The following PRELID2 variants were observed in gnomAD, a reference collection of about 807,000 sequenced individuals.
The protein encoded by PRELID2 is PRELI domain containing 2, also known as PRELI domain-containing protein 2.
Under a neutral mutation model 28.4 loss-of-function variants are expected in PRELID2, and 25 were observed. The ratio of observed to expected loss-of-function variants is 0.88; its 90% CI spans 0.64 to 1.23. The LOEUF is 1.23. Ranked by LOEUF, PRELID2 falls within the 50% of genes most tolerant of loss-of-function variation. The probability of loss-of-function intolerance (pLI) is 0.00; values close to 1 mark genes in which losing one functional copy is unlikely to be tolerated. For missense variants in PRELID2, 201 were observed against 214.4 expected, an observed-to-expected ratio of 0.94 and a Z score of 0.39; for synonymous variants, 76 against 71.6, an observed-to-expected ratio of 1.06 and a Z score of -0.31.
At chr5:145,820,185 T>C (rs939767079) in intron 2 of PRELID2, among the ~76,000 whole-genome samples, 167 bp from the exon 3 acceptor site, 2 of 151,462 alleles carry the variant, frequency 1.3e-5, no homozygotes, top group Non-Finnish European at 2.9e-5. Flanking sequence ...CACTGCAACT[T>C]CTACCTCCTG....
chr5:145,248,590 C>T, the PRELID2 span, among the ~76,000 whole-genome samples: 5 of 128,948 alleles, frequency 3.9e-5, no homozygotes, highest in African/African-American at 2.0e-4. Flanking sequence ...GTCAAGAGAT[C>T]GATCGAGAAC....
At chr5:145,368,841 A>G in the PRELID2 span, among the ~76,000 whole-genome samples, 1 of 151,300 alleles carries the variant, frequency 6.6e-6, no homozygotes, top group East Asian at 1.9e-4. Context: ...ATTCAGGGGT[A>G]CATGTGCAGG....
At chr5:145,477,947 G>T (rs1220530781) in intron 1 of PRELID2, among the ~76,000 whole-genome samples, 4 of 152,146 alleles carry the variant, frequency 2.6e-5, no homozygotes, top group Non-Finnish European at 5.9e-5. Context: ...AGAACAGTCA[G>T]TTTGGGCTAT....
At chr5:145,677,152 G>GTTTTT (rs756255750) in intron 1 of PRELID2, among the ~76,000 whole-genome samples, 6 of 124,032 alleles carry the variant, frequency 4.8e-5, no homozygotes, top group African/African-American at 6.2e-5. Flanking sequence ...TTTGGTTTTG[G>GTTTTT]TTTTTTTTTT....
rs776283544 is a variant in PRELID2, at chr5:145,825,253, A to AG, written c.76-2120_76-2119insC. Among the ~76,000 whole-genome samples the AG allele has an allele frequency of 6.1e-3, 875 of 143,958 alleles. 7 individuals carry two copies. The highest frequency in any genetic ancestry group is 0.01 in the Non-Finnish European group (662 of 64,982). 94.4% of individuals were successfully genotyped at this position (143,958 alleles called of 152,430 possible). On this transcript the variant is annotated intron_variant, in intron 1 of 6. Transcript: ENST00000683046. Reference sequence around the variant, plus strand: ...AAAAAAAAAAAAAAAAAAAAAAAAAAAAAAAAACTTGGAACTACAGTGATT... The same window carrying AG: ...AAAAAAAAAAAAAAAAAAAAAAAAAAGAAAAAAACTTGGAACTACAGTGATT...
chr5:145,556,955 A>C (rs577696501), intron 1 of PRELID2, among the ~76,000 whole-genome samples: 1 of 152,244 alleles, frequency 6.6e-6, no homozygotes, highest in South Asian at 2.1e-4. Flanking sequence ...GACAAGGCCC[A>C]ATATCTCTAG....
the PRELID2 span, among the ~76,000 whole-genome samples, chr5:145,260,168 C>A: frequency 3.0e-4 from 46 of 152,278 alleles, no homozygotes; most frequent in African/African-American, 9.9e-4. Flanking sequence ...TTTCCAGAAG[C>A]AGATGCTGCT....
the PRELID2 span, among the ~76,000 whole-genome samples, chr5:145,312,809 T>C: frequency 6.6e-6 from 1 of 152,180 alleles, no homozygotes; most frequent in Non-Finnish European, 1.5e-5. Flanking sequence ...TGAATAATGC[T>C]GCAATAACAT....
intron 1 of PRELID2, among the ~76,000 whole-genome samples, chr5:145,600,559 T>C (rs558049429): frequency 6.6e-6 from 1 of 151,792 alleles, no homozygotes; most frequent in Admixed American, 6.6e-5. Context: ...AGATTTGGAA[T>C]AGAGTGATCA....
the PRELID2 span, among the ~76,000 whole-genome samples, chr5:145,279,388 C>G: frequency 6.6e-6 from 1 of 152,082 alleles, no homozygotes; most frequent in Non-Finnish European, 1.5e-5. Flanking sequence ...TGAACAAGCC[C>G]TTTTGTTCAC....
At chr5:145,518,478 G>A (rs532411106) in intron 1 of PRELID2, among the ~76,000 whole-genome samples, 45 of 152,264 alleles carry the variant, frequency 3.0e-4, no homozygotes, top group African/African-American at 9.9e-4. Context: ...GATTACAGGC[G>A]TGAACCACCA....
intron 4 of PRELID2, among the ~76,000 whole-genome samples, chr5:145,809,485 T>C (rs886087719): frequency 1.1e-4 from 16 of 152,184 alleles, no homozygotes; most frequent in African/African-American, 3.9e-4. Context: ...GCCTCCAACC[T>C]GGCCATGGGC....
At chr5:145,354,985 A>T in the PRELID2 span, among the ~76,000 whole-genome samples, 2 of 152,206 alleles carry the variant, frequency 1.3e-5, no homozygotes, top group Admixed American at 1.3e-4. Context: ...AAAATTGATG[A>T]TGGAATGAAA....
At chr5:145,452,383 T>C in the PRELID2 span, among the ~76,000 whole-genome samples, 2 of 152,170 alleles carry the variant, frequency 1.3e-5, no homozygotes, top group Non-Finnish European at 2.9e-5. Context: ...CACTGTCTCT[T>C]CTCCAAGCTT....
intron 5 of PRELID2, among the ~76,000 whole-genome samples, chr5:145,772,312 A>T (rs1183375168): frequency 6.6e-6 from 1 of 152,206 alleles, no homozygotes; most frequent in Non-Finnish European, 1.5e-5. Context: ...CAGGACCCTG[A>T]ATCTTACTAC....
At chr5:145,419,087 C>G in the PRELID2 span, among the ~76,000 whole-genome samples, 1 of 150,420 alleles carries the variant, frequency 6.6e-6, no homozygotes. Flanking sequence ...GCATAGTATT[C>G]CATGGTGTAT....
chr5:145,524,658 C>T (rs556942449), intron 1 of PRELID2, among the ~76,000 whole-genome samples: 1 of 152,302 alleles, frequency 6.6e-6, no homozygotes, highest in South Asian at 2.1e-4. Flanking sequence ...GTCCCAGTGA[C>T]TTCATTCAAT....
At chr5:145,824,526 GA>G (rs1366858371) in intron 1 of PRELID2, among the ~76,000 whole-genome samples, 1 of 149,510 alleles carries the variant, frequency 6.7e-6, no homozygotes, top group Non-Finnish European at 1.5e-5. Context: ...CATTCTTAAA[GA>G]TATCTGTGAC....
the PRELID2 span, among the ~76,000 whole-genome samples, chr5:145,339,429 C>T: frequency 6.6e-6 from 1 of 152,048 alleles, no homozygotes; most frequent in Non-Finnish European, 1.5e-5. Context: ...ATGAGAGAAC[C>T]CCTTGACCCA....
Sources: allele counts gnomAD v4.1 joint callset (sites outside exome capture counted in the v4.1 genomes callset), GRCh38; gene constraint gnomAD v4.1.1; transcripts MANE v1.5; gene names NCBI Gene and HGNC (gene_info 2026-07-23, HGNC 2026-07-21).